Variants in GNG8 observed in about 807,000 individuals in gnomAD.
GNG8 encodes the protein guanine nucleotide-binding protein G(I)/G(S)/G(O) subunit gamma-8.
In GNG8, 3 loss-of-function variants were observed where a neutral mutation model predicts 4.6. The ratio of observed to expected loss-of-function variants is 0.65; its 90% CI spans 0.29 to 1.67. GNG8 has a LOEUF of 1.67. Among genes scored for constraint, GNG8 ranks in the 40% most tolerant of loss-of-function variants. The pLI, the probability that GNG8 is intolerant of heterozygous loss-of-function variation, is 0.10. For synonymous variants in GNG8, 32 were observed against 40.5 expected (o/e 0.79, Z 0.80); for missense variants, 88 against 95.2 (o/e 0.92, Z 0.32).
At chr19:46,636,459 T>C (rs1038217168), upstream of GNG8, among the ~76,000 whole-genome samples, 39 of 152,136 alleles carry the variant, frequency 2.6e-4, no homozygotes, top group Non-Finnish European at 4.9e-4. Flanking sequence ...CTCGCTACAT[T>C]TAATCCACAG....
At chr19:46,634,307 C>G in intron 2 of GNG8, 103 bp from the exon 3 acceptor site, 1 of 1,351,496 alleles carries the variant, frequency 7.4e-7, no homozygotes, top group Non-Finnish European at 1.0e-6. Flanking sequence ...CCTTGCCCCG[C>G]CCCATACAGG....
At chr19:46,638,035 ACTCT>A (rs749722594), upstream of GNG8, 2 of 152,254 alleles carry the variant, frequency 1.3e-5, no homozygotes, top group East Asian at 1.9e-4. The surrounding 1 kb of genome is among the most constrained non-coding windows in gnomAD (Gnocchi z 4.7). Context: ...CATCAGTCTC[ACTCT>A]CTCTCACACA....
chr19:46,636,217 C>T (rs978894876), upstream of GNG8, among the ~76,000 whole-genome samples: 2 of 151,728 alleles, frequency 1.3e-5, no homozygotes, highest in Non-Finnish European at 1.5e-5. Flanking sequence ...CCCTCCGGCC[C>T]GCCCCGCCCC....
Position 46,635,279 on chromosome 19 carries a change from G to A in GNG8, c.-43-554C>T, listed in dbSNP as rs1016672223. 7.3e-5 allele frequency among the ~76,000 whole-genome samples: 11 copies of A among 151,724 alleles called. No homozygotes were observed. The East Asian group carries it at 2.0e-3, about 27-fold the overall frequency. The stretch of plus-strand genomic sequence containing the variant: ...AGCCCAACTCGGGCACCTGAGGAGA[G>A]GCCTATCGGATGGACAGAGGGACAA... On this transcript the variant is annotated intron_variant, in intron 1 of 2. Transcript: ENST00000693335.
intron 1 of GNG8, among the ~76,000 whole-genome samples, chr19:46,635,099 G>A (rs1044605055): frequency 2.0e-5 from 3 of 152,034 alleles, no homozygotes; most frequent in Non-Finnish European, 4.4e-5. Flanking sequence ...GGAGAACTGG[G>A]AATTAAGATC....
At chr19:46,635,938 G>C (rs1327575994) in intron 1 of GNG8, among the ~76,000 whole-genome samples, 3 of 151,472 alleles carry the variant, frequency 2.0e-5, no homozygotes, top group Admixed American at 2.0e-4. Context: ...GGAAAGAAGG[G>C]AAGGACAAAG....
chr19:46,637,582 A>AGTTTT (rs2052876855), upstream of GNG8: 1 of 152,344 alleles, frequency 6.6e-6, no homozygotes, highest in African/African-American at 2.4e-5. Context: ...ATAGTCACGC[A>AGTTTT]GTTTTGTTTT....
chr19:46,634,823 T>G, intron 1 of GNG8, 98 bp from the exon 2 acceptor site: 2 of 640,600 alleles, frequency 3.1e-6, no homozygotes, highest in Non-Finnish European at 5.6e-6. Flanking sequence ...GTGAATGGGG[T>G]GGCCAGGGGC....
upstream of GNG8, among the ~76,000 whole-genome samples, chr19:46,636,442 C>G (rs1480138431): frequency 6.6e-6 from 1 of 152,178 alleles, no homozygotes; most frequent in Non-Finnish European, 1.5e-5. Context: ...CTAGGTGGGC[C>G]CCGGGCCTCG....
intron 1 of GNG8, among the ~76,000 whole-genome samples, 140 bp downstream of exon 1, chr19:46,636,007 G>T (rs984693965): frequency 6.6e-6 from 1 of 151,992 alleles, no homozygotes; most frequent in Admixed American, 6.6e-5. Context: ...GGAACAAGGC[G>T]AGAGACAGGC....
upstream of GNG8, among the ~76,000 whole-genome samples, chr19:46,636,563 C>G (rs537338023): frequency 2.4e-4 from 36 of 152,344 alleles, no homozygotes; most frequent in African/African-American, 8.2e-4. Context: ...CTCATGCTCA[C>G]TGTCCCTCAC....
Position 46,634,698 on chromosome 19 carries a change from G to A in GNG8, c.-16C>T, listed in dbSNP as rs1434539331. ...TGTTGGACATGGTTGCGGCGGGGAA[G>A]GGGTTAAAAGACGCGCGGGAGTGGG... is the stretch of plus-strand genomic sequence containing the variant. On this transcript the variant is annotated 5_prime_UTR_variant, in exon 2 of 3. Transcript: ENST00000693335. The A allele has an allele frequency of 1.2e-6, 2 of 1,611,190 alleles. No individual in the cohort carries two copies. The highest frequency in any genetic ancestry group is 2.2e-5 in the South Asian group (2 of 90,990).
intron 1 of GNG8, among the ~76,000 whole-genome samples, 198 bp from the exon 2 acceptor site, chr19:46,634,923 G>C (rs2052855400): frequency 6.6e-6 from 1 of 151,900 alleles, no homozygotes. Flanking sequence ...GGTGGGGAGA[G>C]AGCAGGGAGG....
chr19:46,635,820 A>G (rs2052864878), intron 1 of GNG8, among the ~76,000 whole-genome samples: 1 of 70,920 alleles, frequency 1.4e-5, no homozygotes. Flanking sequence ...GGGGTGATGG[A>G]GGGAGGGACG....
At chr19:46,638,179 C>G (rs1018622186), upstream of GNG8, 1 of 152,798 alleles carries the variant, frequency 6.5e-6, no homozygotes, top group Admixed American at 6.5e-5. This position sits in a 1 kb window ranked among gnomAD's most constrained non-coding sequence, Gnocchi z 4.7. Flanking sequence ...ATGTCCCATA[C>G]AGAGCCCCAA....
In GNG8 at chr19:46,634,212, C is replaced by T. The variant is rs1568686195; in HGVS notation, c.85-8G>A. On this transcript the variant is annotated splice_polypyrimidine_tract_variant and splice_region_variant and intron_variant, in intron 2 of 2. Transcript: ENST00000693335. ...CGCTGCTGCCTGCGACACCTGCGAG[C>T]ACCCGGGTGGAGATGTCACCGCCCT... The T allele has an allele frequency of 1.3e-6, 2 of 1,599,880 alleles. No individual in the cohort carries two copies. The highest frequency in any genetic ancestry group is 1.7e-6 in the Non-Finnish European group (2 of 1,173,444).
intron 1 of GNG8, among the ~76,000 whole-genome samples, chr19:46,635,295 A>G (rs1009686964): frequency 6.6e-6 from 1 of 151,530 alleles, no homozygotes; most frequent in African/African-American, 2.4e-5. Context: ...TCGGATGGAC[A>G]GAGGGACAAC....
upstream of GNG8, chr19:46,636,934 G>T (rs1286081137): frequency 6.6e-6 from 1 of 152,064 alleles, no homozygotes; most frequent in Non-Finnish European, 1.5e-5. Context: ...TGGGATTACA[G>T]GTGCCTGACA....
chr19:46,637,488 C>T (rs1173781457), upstream of GNG8: 1 of 152,572 alleles, frequency 6.6e-6, no homozygotes, highest in Non-Finnish European at 1.5e-5. Flanking sequence ...CCCTCACGCT[C>T]TCGCTTCCGA....
Sources: allele counts gnomAD v4.1 joint callset (sites outside exome capture counted in the v4.1 genomes callset), GRCh38; gene constraint gnomAD v4.1.1; non-coding constraint Gnocchi (gnomAD v3.1); transcripts MANE v1.5; gene names NCBI Gene and HGNC (gene_info 2026-07-23, HGNC 2026-07-21).